Variants in EYS observed in about 807,000 individuals in gnomAD.
EYS encodes the protein EGF-like photoreceptor maintenance factor, also known as protein eyes shut homolog.
A neutral mutation model predicts 282.1 loss-of-function variants in EYS; 250 were observed. The observed-to-expected ratio is 0.89, with a 90% CI of 0.80 to 0.98. EYS has a LOEUF of 0.98. Among genes scored for constraint, EYS ranks in the 50% least tolerant of loss-of-function variants. The probability of loss-of-function intolerance (pLI) is 0.00; values close to 1 mark genes in which losing one functional copy is unlikely to be tolerated. For synonymous variants in EYS, 1,355 were observed against 1,282.9 expected, an observed-to-expected ratio of 1.06 and a Z score of -1.20; for missense variants, 4,016 against 3,709.0, an observed-to-expected ratio of 1.08 and a Z score of -2.15.
At chr6:65,254,837 G>A (rs1430380343) in intron 12 of EYS, among the ~76,000 whole-genome samples, 1 of 151,786 alleles carries the variant, frequency 6.6e-6, no homozygotes, top group Non-Finnish European at 1.5e-5. Context: ...ACAGCATAAA[G>A]TAACATTTTG....
intron 23 of EYS, among the ~76,000 whole-genome samples, chr6:64,618,148 G>GT (rs1767333713): frequency 6.6e-6 from 1 of 152,078 alleles, no homozygotes; most frequent in African/African-American, 2.4e-5. Flanking sequence ...CAGTTTGATT[G>GT]TATGTATTTT....
intron 13 of EYS, among the ~76,000 whole-genome samples, chr6:65,001,059 A>G (rs1192842333): frequency 6.6e-6 from 1 of 152,090 alleles, no homozygotes; most frequent in Non-Finnish European, 1.5e-5. Context: ...TGGGCTCTGG[A>G]CCTGTGGTAG....
chr6:64,243,658 A>G (rs901424063), intron 30 of EYS, among the ~76,000 whole-genome samples: 2 of 152,220 alleles, frequency 1.3e-5, no homozygotes, highest in African/African-American at 4.8e-5. Context: ...AGAAAAGTAG[A>G]AAAAAGAGTT....
intron 33 of EYS, among the ~76,000 whole-genome samples, chr6:64,062,313 AAGCTATGTATCTCT>A (rs1275590141): frequency 6.6e-6 from 1 of 152,172 alleles, no homozygotes; most frequent in Admixed American, 6.5e-5. Flanking sequence ...CAGAAGCCTC[AAGCTATGTATCTCT>A]ATTTTCCCTG....
chr6:63,745,657 AAG>A (rs1244773747), intron 41 of EYS, among the ~76,000 whole-genome samples: 1 of 152,246 alleles, frequency 6.6e-6, no homozygotes, highest in Non-Finnish European at 1.5e-5. Context: ...TTCATACAGA[AAG>A]AAAGTGATTT....
At chr6:65,530,724 TG>T (rs1469308485) in intron 2 of EYS, among the ~76,000 whole-genome samples, 2 of 152,118 alleles carry the variant, frequency 1.3e-5, no homozygotes, top group Non-Finnish European at 2.9e-5. Flanking sequence ...CCTCAGTTTA[TG>T]AAAGGGAATG....
At chr6:64,082,854 G>T (rs550360780) in intron 31 of EYS, among the ~76,000 whole-genome samples, 26 of 151,086 alleles carry the variant, frequency 1.7e-4, no homozygotes, top group Admixed American at 8.6e-4. Context: ...GTAACACATG[G>T]TATGTTGAAA....
At chr6:65,659,392 T>C (rs1239605822) in intron 1 of EYS, among the ~76,000 whole-genome samples, 2 of 151,546 alleles carry the variant, frequency 1.3e-5, no homozygotes, top group Non-Finnish European at 1.5e-5. Flanking sequence ...CGTAAGAAAA[T>C]ATCCTAGAAA....
At chr6:65,575,511 C>T (rs776112855) in intron 2 of EYS, among the ~76,000 whole-genome samples, 1 of 151,550 alleles carries the variant, frequency 6.6e-6, no homozygotes, top group African/African-American at 2.4e-5. Context: ...AGATAAACAA[C>T]CTAATGTGAC....
chr6:63,723,405 G>C (rs987647037), intron 42 of EYS, among the ~76,000 whole-genome samples: 3 of 152,152 alleles, frequency 2.0e-5, no homozygotes, highest in Non-Finnish European at 2.9e-5. Flanking sequence ...TGGCCTGCAA[G>C]TGAACACAAA....
At chr6:64,748,423 C>A (rs1032566236) in intron 22 of EYS, among the ~76,000 whole-genome samples, 30 of 152,218 alleles carry the variant, frequency 2.0e-4, no homozygotes, top group African/African-American at 6.8e-4. Flanking sequence ...GGAGCTGCAA[C>A]CTGCATCTCT....
intron 2 of EYS, among the ~76,000 whole-genome samples, chr6:65,597,872 G>A (rs547946442): frequency 1.7e-3 from 260 of 152,062 alleles, no homozygotes; most frequent in Non-Finnish European, 3.0e-3. Context: ...AGGTCAAGGC[G>A]GGCAGATCAC....
At chr6:65,375,618 C>A (rs1266852586) in intron 8 of EYS, among the ~76,000 whole-genome samples, 1 of 151,836 alleles carries the variant, frequency 6.6e-6, no homozygotes, top group Non-Finnish European at 1.5e-5. Flanking sequence ...TGCAAGGAAG[C>A]TAAGAACCTT....
intron 35 of EYS, among the ~76,000 whole-genome samples, chr6:63,961,488 A>G (rs1766058618): frequency 6.6e-6 from 1 of 151,544 alleles, no homozygotes; most frequent in Admixed American, 6.6e-5. Context: ...ACCCACCCAA[A>G]TCCTATAAAA....
At chr6:64,355,463 G>T (rs528221131) in intron 29 of EYS, among the ~76,000 whole-genome samples, 1 of 151,638 alleles carries the variant, frequency 6.6e-6, no homozygotes, top group African/African-American at 2.4e-5. Context: ...AATTTTTACC[G>T]TGTATTAAAG....
At chr6:64,330,912 G>C (rs1391836448) in intron 29 of EYS, among the ~76,000 whole-genome samples, 1 of 152,186 alleles carries the variant, frequency 6.6e-6, no homozygotes, top group Non-Finnish European at 1.5e-5. Flanking sequence ...GTGTGGCCCA[G>C]GGTATCACTG....
At chr6:64,551,314 C>T (rs1765074768) in intron 26 of EYS, among the ~76,000 whole-genome samples, 1 of 151,334 alleles carries the variant, frequency 6.6e-6, no homozygotes, top group Admixed American at 6.6e-5. Context: ...TTTTAAATGT[C>T]AGAGGAATCC....
intron 15 of EYS, among the ~76,000 whole-genome samples, chr6:64,939,947 C>G (rs1261678735): frequency 6.6e-6 from 1 of 151,942 alleles, no homozygotes; most frequent in African/African-American, 2.4e-5. Flanking sequence ...GAACATCACC[C>G]AAACAAAAGA....
chr6:63,973,393 C>T (rs149325476), intron 35 of EYS, among the ~76,000 whole-genome samples: 2,206 of 152,092 alleles, frequency 0.015, 16 homozygotes, highest in Non-Finnish European at 0.024. Flanking sequence ...AACAAATTTA[C>T]AAGAAGAGAA....
Sources: allele counts gnomAD v4.1 joint callset (sites outside exome capture counted in the v4.1 genomes callset), GRCh38; gene constraint gnomAD v4.1.1; transcripts MANE v1.5; gene names NCBI Gene and HGNC (gene_info 2026-07-23, HGNC 2026-07-21).